Variants in FBXO15 observed in about 807,000 individuals in gnomAD.
The protein encoded by FBXO15 is F-box protein 15.
In FBXO15, 30 loss-of-function variants were observed where a neutral mutation model predicts 49.5. That is an observed-to-expected ratio of 0.61 (90% confidence interval 0.45 to 0.82). The LOEUF (loss-of-function observed/expected upper bound fraction) is 0.82. FBXO15 is among the 40% of genes least tolerant of loss of function. FBXO15 has a pLI of 0.00. For missense variants in FBXO15, 591 were observed against 631.5 expected, an observed-to-expected ratio of 0.94 and a Z score of 0.69; for synonymous variants, 250 against 232.7, an observed-to-expected ratio of 1.07 and a Z score of -0.68.
chr18:74,102,742 G>A (rs894772149), intron 8 of FBXO15, among the ~76,000 whole-genome samples: 1 of 152,098 alleles, frequency 6.6e-6, no homozygotes, highest in Non-Finnish European at 1.5e-5. Flanking sequence ...AAGAAACTGT[G>A]GTGTATATGT....
chr18:74,079,885 A>G (rs768349154), intron 9 of FBXO15, among the ~76,000 whole-genome samples: 9 of 152,184 alleles, frequency 5.9e-5, no homozygotes, highest in Non-Finnish European at 1.0e-4. Context: ...CGACACAACT[A>G]GGCAGCATCC....
intron 8 of FBXO15, among the ~76,000 whole-genome samples, chr18:74,086,841 A>G (rs1173738376): frequency 2.6e-5 from 4 of 152,258 alleles, no homozygotes; most frequent in Non-Finnish European, 5.9e-5. Context: ...AAAAATAAGT[A>G]TTAATAAATG....
chr18:74,143,144 C>A (rs28592027), intron 1 of FBXO15, among the ~76,000 whole-genome samples: 13,340 of 152,026 alleles, frequency 0.088, 1,079 homozygotes, highest in African/African-American at 0.21. Context: ...ATGAATAATT[C>A]TATATATACT....
At chr18:74,093,271 G>GGC (rs1555676395) in intron 8 of FBXO15, among the ~76,000 whole-genome samples, 10 of 150,560 alleles carry the variant, frequency 6.6e-5, no homozygotes, top group African/African-American at 1.5e-4. Context: ...AATGGGGGGG[G>GGC]GGTGGCTGCA....
intron 1 of FBXO15, among the ~76,000 whole-genome samples, chr18:74,145,936 C>T (rs1979384503): frequency 6.6e-6 from 1 of 152,188 alleles, no homozygotes; most frequent in Admixed American, 6.5e-5. Context: ...ATTAACAAAT[C>T]AGCAAGTTCT....
chr18:74,089,164 C>T (rs572541690), intron 8 of FBXO15, among the ~76,000 whole-genome samples: 3 of 152,112 alleles, frequency 2.0e-5, no homozygotes, highest in Admixed American at 6.6e-5. Flanking sequence ...CCCCAGTGTG[C>T]GTTGTTCCCC....
At chr18:74,103,223 T>C (rs1282335258) in intron 8 of FBXO15, among the ~76,000 whole-genome samples, 1 of 151,990 alleles carries the variant, frequency 6.6e-6, no homozygotes, top group African/African-American at 2.4e-5. Context: ...ATACTTTTGC[T>C]GAACTGAAAA....
intron 8 of FBXO15, among the ~76,000 whole-genome samples, chr18:74,088,866 G>C (rs970361665): frequency 2.6e-5 from 4 of 152,068 alleles, no homozygotes; most frequent in Non-Finnish European, 5.9e-5. Context: ...GTGTCATCCT[G>C]AATTTCACTG....
intron 8 of FBXO15, among the ~76,000 whole-genome samples, chr18:74,083,603 G>A (rs1288828152): frequency 3.3e-5 from 5 of 152,316 alleles, no homozygotes; most frequent in South Asian, 2.1e-4. Context: ...AGCCAATAAC[G>A]TCTCAGTGGC....
chr18:74,086,492 G>A (rs1296191818), intron 8 of FBXO15, among the ~76,000 whole-genome samples: 2 of 152,136 alleles, frequency 1.3e-5, no homozygotes, highest in African/African-American at 4.8e-5. Flanking sequence ...GCAGTGGTGC[G>A]ATCTCAACTC....
intron 8 of FBXO15, among the ~76,000 whole-genome samples, chr18:74,110,184 CAT>C (rs1181907509): frequency 3.2e-5 from 2 of 62,734 alleles, no homozygotes; most frequent in Admixed American, 2.5e-4. Flanking sequence ...TATATATACA[CAT>C]ATGTGTGCAT....
Position 74,140,314 on chromosome 18 carries a change from T to G in FBXO15, c.117-2A>C. 6.5e-7 allele frequency: 1 copy of G among 1,547,690 alleles called. No individual in the cohort carries two copies. Among genetic ancestry groups the G allele is most frequent in the Non-Finnish European group, 8.7e-7 (1 of 1,145,726 alleles). On this transcript the variant is annotated splice_acceptor_variant, in intron 1 of 9. Transcript: ENST00000419743. LOFTEE classifies it high-confidence loss of function. ...GAAAGCTTGACCCCTGGCCCCTTTC[T>G]GAAAGTAAATGTGGGAAATTCAAAT...
At chr18:74,104,798 G>C (rs1043275811) in intron 8 of FBXO15, among the ~76,000 whole-genome samples, 1 of 152,120 alleles carries the variant, frequency 6.6e-6, no homozygotes, top group African/African-American at 2.4e-5. Context: ...AATATTAATA[G>C]ATCTAAGGGA....
intron 8 of FBXO15, among the ~76,000 whole-genome samples, chr18:74,101,530 C>T (rs1913519859): frequency 6.6e-6 from 1 of 152,052 alleles, no homozygotes; most frequent in Admixed American, 6.5e-5. Flanking sequence ...GTGAAAATGA[C>T]CATATTGCCA....
At position 74,129,474 on chromosome 18, in the gene FBXO15, AATGATGCTAGGC is replaced by A; in HGVS notation, c.704_715del (p.Cys235_Ser238del). ...CATGCCACATAAATCTAAGGTTGAC[AATGATGCTAGGC>A]ATGGCCATTTTTTGCCATACCATAT... On this transcript the variant is annotated inframe_deletion, in exon 5 of 10. Coordinates refer to ENST00000419743, the MANE Select transcript of FBXO15 (RefSeq NM_001142958.2). 6.2e-7 allele frequency: 1 copy of A among 1,614,038 alleles called. No individual in the cohort carries two copies. Among genetic ancestry groups the A allele is most frequent in the Non-Finnish European group, 8.5e-7 (1 of 1,179,982 alleles).
In FBXO15 at chr18:74,117,592, G is replaced by T. The variant is rs542838620; in HGVS notation, c.1138+5776C>A. Reference sequence around the variant, plus strand: ...AGTCGCGCGGACCTGAGTGCAGACTGTGCCACCTACTAGCTTTACAGAACA... The same window carrying T: ...AGTCGCGCGGACCTGAGTGCAGACTTTGCCACCTACTAGCTTTACAGAACA... On this transcript the variant is annotated intron_variant, in intron 8 of 9. Transcript: ENST00000419743. Among the ~76,000 whole-genome samples, 7 of 152,242 alleles carry T rather than the reference G, an allele frequency of 4.6e-5. No homozygotes were observed. The South Asian group carries it at 1.5e-3, about 32-fold the overall frequency.
At position 74,117,487 on chromosome 18, in the gene FBXO15, T is replaced by C. The variant is rs1038245832; in HGVS notation, c.1138+5881A>G. On this transcript the variant is annotated intron_variant, in intron 8 of 9. Coordinates refer to ENST00000419743, the MANE Select transcript of FBXO15 (RefSeq NM_001142958.2). Reference sequence around the variant, plus strand: ...ACAGTCACACACACACACAAGAAGATACACTCTAAAAGCACATCATTTAAA... The same window carrying C: ...ACAGTCACACACACACACAAGAAGACACACTCTAAAAGCACATCATTTAAA... Among the ~76,000 whole-genome samples the C allele has an allele frequency of 2.6e-5, 4 of 152,084 alleles. No homozygotes were observed. The East Asian group carries it at 7.7e-4, about 29-fold the overall frequency.
At position 74,125,961 on chromosome 18, in the gene FBXO15, G is replaced by A. The variant is rs749675998; in HGVS notation, c.912+14C>T. The stretch of plus-strand genomic sequence containing the variant: ...GGGGAAATGACACAGTACATACAGG[G>A]ACTCAAGTCTTACCTTCCACACTCC... On this transcript the variant is annotated intron_variant, in intron 6 of 9. Coordinates refer to ENST00000419743, the MANE Select transcript of FBXO15 (RefSeq NM_001142958.2). 1.1e-5 allele frequency: 18 copies of A among 1,613,634 alleles called. No individual in the cohort carries two copies. Among genetic ancestry groups the A allele is most frequent in the Middle Eastern group, 1.6e-4 (1 of 6,062 alleles).
At chr18:74,101,424 TA>T (rs1262355111) in intron 8 of FBXO15, among the ~76,000 whole-genome samples, 1 of 151,710 alleles carries the variant, frequency 6.6e-6, no homozygotes, top group Non-Finnish European at 1.5e-5. Context: ...AATAAAAGCC[TA>T]CAAGGAAAAC....
Sources: gnomAD v4.1 joint callset for allele counts (sites outside exome capture counted in the v4.1 genomes callset) on GRCh38, gnomAD v4.1.1 for gene constraint, MANE v1.5 for transcripts, NCBI Gene and HGNC (gene_info 2026-07-23, HGNC 2026-07-21) for gene names.